TEX9: variants seen among roughly 807,000 people sequenced by gnomAD.
The protein encoded by TEX9 is testis-expressed protein 9.
Under a neutral mutation model 59.6 loss-of-function variants are expected in TEX9, and 74 were observed. The ratio of observed to expected loss-of-function variants is 1.24; its 90% confidence interval spans 1.03 to 1.51. TEX9 has a LOEUF of 1.51. Ranked by LOEUF, TEX9 falls within the 40% of genes most tolerant of loss-of-function variation. The pLI, the probability that TEX9 is intolerant of heterozygous loss-of-function variation, is 0.00. For missense variants in TEX9, 522 were observed against 447.8 expected (o/e 1.17, Z -1.49); for synonymous variants, 186 against 152.2 (o/e 1.22, Z -1.64).
At chr15:56,302,407 G>A (rs2045382432) in intron 1 of TEX9, among the ~76,000 whole-genome samples, 1 of 151,228 alleles carries the variant, frequency 6.6e-6, no homozygotes, top group Non-Finnish European at 1.5e-5. Flanking sequence ...TGAGATCCCA[G>A]CTACTCAGAA....
chr15:56,390,159 A>G (rs2048139976), intron 6 of TEX9, among the ~76,000 whole-genome samples: 1 of 151,944 alleles, frequency 6.6e-6, no homozygotes, highest in African/African-American at 2.4e-5. Flanking sequence ...CAATAGATTG[A>G]AGAAAAGAAC....
intron 1 of TEX9, among the ~76,000 whole-genome samples, chr15:56,283,473 C>G (rs2044868798): frequency 6.6e-6 from 1 of 151,770 alleles, no homozygotes; most frequent in African/African-American, 2.4e-5. Context: ...TAATATGAAT[C>G]CAATGTACAT....
intron 1 of TEX9, among the ~76,000 whole-genome samples, chr15:56,262,599 C>T (rs1265933219): frequency 4.6e-5 from 7 of 152,122 alleles, no homozygotes; most frequent in African/African-American, 9.7e-5. Context: ...AGTGTCATAT[C>T]GATATATCAA....
At chr15:56,329,819 A>C (rs2682020) in intron 1 of TEX9, among the ~76,000 whole-genome samples, 4,820 of 152,276 alleles carry the variant, frequency 0.032, 188 homozygotes, top group East Asian at 0.096. Context: ...CAAAAGGGCA[A>C]ATCTAAGAGC....
At chr15:56,329,817 C>T (rs1378042072) in intron 1 of TEX9, among the ~76,000 whole-genome samples, 1 of 151,954 alleles carries the variant, frequency 6.6e-6, no homozygotes, top group Non-Finnish European at 1.5e-5. Flanking sequence ...TTCAAAAGGG[C>T]AAATCTAAGA....
intron 4 of TEX9, among the ~76,000 whole-genome samples, chr15:56,384,994 G>T (rs141345929): frequency 6.6e-6 from 1 of 152,284 alleles, no homozygotes; most frequent in East Asian, 1.9e-4. Flanking sequence ...TTAACTCTTA[G>T]ATTCAGGTTC....
intron 10 of TEX9, among the ~76,000 whole-genome samples, chr15:56,417,595 GT>G (rs2049759986): frequency 2.0e-5 from 3 of 151,740 alleles, no homozygotes; most frequent in Non-Finnish European, 4.4e-5. Flanking sequence ...GTTGAGGATT[GT>G]TTTTTGTCCA....
At chr15:56,405,306 C>G (rs1489733801) in intron 9 of TEX9, among the ~76,000 whole-genome samples, 1 of 105,860 alleles carries the variant, frequency 9.4e-6, no homozygotes, top group Non-Finnish European at 1.8e-5. Context: ...GACTCCGTCT[C>G]AAAGAAAAAA....
chr15:56,394,163 A>G lies in TEX9; in HGVS notation c.572-2A>G, dbSNP rs2048345598. On this transcript the variant is annotated splice_acceptor_variant, in intron 7 of 12. Coordinates refer to ENST00000352903, the Ensembl canonical transcript of TEX9. LOFTEE classifies it high-confidence loss of function. Reference sequence around the variant, plus strand: ...AGTAAATATAATTATTTAAATTCACAGAAGCACAGATCAGATTTCTAAAGG... The same window carrying G: ...AGTAAATATAATTATTTAAATTCACGGAAGCACAGATCAGATTTCTAAAGG... 1 of 1,607,196 alleles carries G rather than the reference A, an allele frequency of 6.2e-7. No individual in the cohort carries two copies.
intron 10 of TEX9, 33 bp downstream of exon 10, chr15:56,412,469 C>A: frequency 1.3e-6 from 2 of 1,573,724 alleles, no homozygotes; most frequent in South Asian, 1.2e-5. Context: ...TTGTAGTGAT[C>A]CCTTTTGGTA....
intron 5 of TEX9, among the ~76,000 whole-genome samples, chr15:56,388,750 G>A (rs1449487682): frequency 6.6e-6 from 1 of 151,912 alleles, no homozygotes; most frequent in African/African-American, 2.4e-5. Flanking sequence ...AAAATGTTAG[G>A]TGAAATGACT....
chr15:56,446,811 T>C, downstream of TEX9: 1 of 1,514,340 alleles, frequency 6.6e-7, no homozygotes, highest in Non-Finnish European at 9.1e-7. Context: ...TAAATGAAGC[T>C]AAAAACATAA....
At chr15:56,322,855 C>T (rs985443864) in intron 1 of TEX9, among the ~76,000 whole-genome samples, 2 of 151,970 alleles carry the variant, frequency 1.3e-5, no homozygotes, top group Non-Finnish European at 2.9e-5. Flanking sequence ...AAAAATATCA[C>T]ATGTTGAAGA....
chr15:56,348,361 A>G (rs1520530), intron 1 of TEX9, among the ~76,000 whole-genome samples: 149,032 of 152,140 alleles, frequency 0.98, 73,073 homozygotes, highest in Middle Eastern at 1. Context: ...CAGCTCCTGG[A>G]CACCCAGAGA....
intron 10 of TEX9, among the ~76,000 whole-genome samples, chr15:56,423,798 G>A (rs2050109124): frequency 6.6e-6 from 1 of 151,980 alleles, no homozygotes; most frequent in Non-Finnish European, 1.5e-5. Context: ...AATCGTTTTG[G>A]GGGAACAGGT....
chr15:56,285,584 C>CT (rs2044934444), intron 1 of TEX9, among the ~76,000 whole-genome samples: 4 of 152,252 alleles, frequency 2.6e-5, no homozygotes, highest in South Asian at 4.1e-4. Context: ...GATATTGTAG[C>CT]TTTTTTCTTT....
chr15:56,257,845 T>C (rs1231135067), intron 1 of TEX9, among the ~76,000 whole-genome samples: 1 of 152,190 alleles, frequency 6.6e-6, no homozygotes, highest in East Asian at 1.9e-4. Flanking sequence ...TTTGGCATCT[T>C]GATCATGAAA....
intron 1 of TEX9, among the ~76,000 whole-genome samples, chr15:56,309,693 GTTTTTTTTTTTTTTTTTT>G (rs60648387): frequency 1.8e-4 from 11 of 60,778 alleles, no homozygotes; most frequent in Non-Finnish European, 2.2e-4. Flanking sequence ...TTTATGGGAA[GTTTTTTTTTTTTTTTTTT>G]TTTTTTTTTT....
chr15:56,270,544 T>A (rs1428147025), intron 1 of TEX9, among the ~76,000 whole-genome samples: 2 of 151,888 alleles, frequency 1.3e-5, no homozygotes, highest in African/African-American at 4.8e-5. Context: ...TGTGTGTCTC[T>A]GCATGTGAAT....
Sources: gnomAD v4.1 joint callset for allele counts (sites outside exome capture counted in the v4.1 genomes callset) on GRCh38, gnomAD v4.1.1 for gene constraint, MANE v1.5 for transcripts, NCBI Gene and HGNC (gene_info 2026-07-23, HGNC 2026-07-21) for gene names.